The following PIEZO2 variants were observed in gnomAD, a reference collection of about 807,000 sequenced individuals.
The protein encoded by PIEZO2 is piezo-type mechanosensitive ion channel component 2.
PIEZO2 carries 172 observed loss-of-function variants against 337.3 expected under a neutral mutation model. That is an observed-to-expected ratio of 0.51 (90% confidence interval 0.45 to 0.58). The LOEUF (loss-of-function observed/expected upper bound fraction) is 0.58. Ranked by LOEUF, PIEZO2 falls within the 20% of genes least tolerant of loss-of-function variation. The pLI, the probability that PIEZO2 is intolerant of heterozygous loss-of-function variation, is 0.00. For missense variants in PIEZO2, 3,028 were observed against 3,391.3 expected (o/e 0.89, Z 2.66); for synonymous variants, 1,251 against 1,228.5 (o/e 1.02, Z -0.38).
At chr18:11,066,059 C>T (rs1441640657) in intron 2 of PIEZO2, 68 bp downstream of exon 2, 1 of 1,319,736 alleles carries the variant, frequency 7.6e-7, no homozygotes, top group Non-Finnish European at 1.0e-6. Flanking sequence ...AAAGGCCATC[C>T]CAAGGAGCCC....
At chr18:10,675,111 C>T in intron 54 of PIEZO2, 98 bp downstream of exon 54, 1 of 778,712 alleles carries the variant, frequency 1.3e-6, no homozygotes, top group Non-Finnish European at 2.1e-6. Context: ...GGAGAGATAA[C>T]TAGAAAGTGG....
At chr18:11,041,103 T>G (rs759869943) in intron 2 of PIEZO2, among the ~76,000 whole-genome samples, 5 of 152,128 alleles carry the variant, frequency 3.3e-5, no homozygotes, top group Admixed American at 6.5e-5. Flanking sequence ...CCAAGGCAGG[T>G]GGGAGAAAAG....
intron 2 of PIEZO2, among the ~76,000 whole-genome samples, chr18:11,019,795 C>G (rs1378012553): frequency 8.5e-5 from 13 of 152,178 alleles, no homozygotes; most frequent in Admixed American, 8.5e-4. Context: ...CTGATATACT[C>G]TATCTCATCA....
chr18:11,088,662 T>C (rs1015045982), intron 1 of PIEZO2, among the ~76,000 whole-genome samples: 1 of 152,186 alleles, frequency 6.6e-6, no homozygotes, highest in Admixed American at 6.5e-5. Flanking sequence ...GTGATATTGA[T>C]TGGTGTAGTC....
At chr18:10,814,436 T>C (rs1208196028) in intron 7 of PIEZO2, among the ~76,000 whole-genome samples, 1 of 152,226 alleles carries the variant, frequency 6.6e-6, no homozygotes, top group Non-Finnish European at 1.5e-5. Flanking sequence ...AATAATCTTC[T>C]CATTTTTAAC....
chr18:11,006,669 A>G, intron 2 of PIEZO2, among the ~76,000 whole-genome samples: 1 of 152,028 alleles, frequency 6.6e-6, no homozygotes, highest in Non-Finnish European at 1.5e-5. Flanking sequence ...AAGTCTATTC[A>G]GTCCATTCTT....
At chr18:10,800,922 A>G (rs1271575477) in intron 10 of PIEZO2, among the ~76,000 whole-genome samples, 1 of 152,236 alleles carries the variant, frequency 6.6e-6, no homozygotes, top group East Asian at 1.9e-4. Flanking sequence ...GTGGCTCTGC[A>G]CAGGACTAAT....
chr18:10,764,589 C>CAA (rs35057417), intron 21 of PIEZO2, among the ~76,000 whole-genome samples: 5,927 of 142,982 alleles, frequency 0.041, 298 homozygotes, highest in African/African-American at 0.12. Flanking sequence ...CACTACGTCT[C>CAA]AAAAAAAAAA....
intron 49 of PIEZO2, among the ~76,000 whole-genome samples, chr18:10,684,355 C>T (rs2034442215): frequency 6.7e-6 from 1 of 150,258 alleles, no homozygotes; most frequent in Non-Finnish European, 1.5e-5. Flanking sequence ...TTAGTAGAGA[C>T]AGGGTTTCAC....
At position 10,705,749 on chromosome 18, in the gene PIEZO2, G is replaced by A; in HGVS notation, c.5589-3C>T. ...GCATGGTACACTGCGTGGGCTCGCTGTTGGGAGAAAGCGTGGGCACAGAGC... is the reference window on the plus strand; with the variant it reads ...GCATGGTACACTGCGTGGGCTCGCTATTGGGAGAAAGCGTGGGCACAGAGC... On this transcript the variant is annotated splice_polypyrimidine_tract_variant and splice_region_variant and intron_variant, in intron 40 of 55. Transcript: ENST00000674853. 3 of 1,515,798 alleles carry A rather than the reference G, an allele frequency of 2.0e-6. No homozygotes were observed. The highest frequency in any genetic ancestry group is 2.6e-6 in the Non-Finnish European group (3 of 1,134,530). The allele number at this position is 1,515,798 out of a possible 1,614,324, so 93.9% of individuals were successfully genotyped here.
chr18:11,024,933 C>A (rs186375229), intron 2 of PIEZO2, among the ~76,000 whole-genome samples: 88 of 150,962 alleles, frequency 5.8e-4, no homozygotes, highest in Admixed American at 2.8e-3. Flanking sequence ...GCCACCGTGC[C>A]CAGCGAAGGT....
rs1273500389 is a variant in PIEZO2, at chr18:11,112,437, A to C, written c.64+36088T>G. Among the ~76,000 whole-genome samples, 1 of 152,244 alleles carries C rather than the reference A, an allele frequency of 6.6e-6. No individual in the cohort carries two copies. Among genetic ancestry groups the C allele is most frequent in the Non-Finnish European group, 1.5e-5 (1 of 68,048 alleles). On this transcript the variant is annotated intron_variant, in intron 1 of 55. Transcript: ENST00000674853. This position sits in a 1 kb window ranked among gnomAD's most constrained non-coding sequence, Gnocchi z 4.3. The stretch of plus-strand genomic sequence containing the variant: ...ACAACATCAGAATCTAAGTGTCATG[A>C]CCAAAATATGTACTCCAACTCCATC...
chr18:10,783,698 C>G lies in PIEZO2; in HGVS notation c.2492+1086G>C, dbSNP rs1239443559. ...CAAAACAAGTCATGACTGATTGATACCTCTTGGTTCCATGGGTTACGAGTC... is the reference window on the plus strand; with the variant it reads ...CAAAACAAGTCATGACTGATTGATAGCTCTTGGTTCCATGGGTTACGAGTC... On this transcript the variant is annotated intron_variant, in intron 17 of 55. Transcript: ENST00000674853. The surrounding 1 kb of genome is among the most constrained non-coding windows in gnomAD (Gnocchi z 4.3). Among the ~76,000 whole-genome samples, 2 of 152,152 alleles carry G rather than the reference C, an allele frequency of 1.3e-5. No homozygotes were observed. Among genetic ancestry groups the G allele is most frequent in the East Asian group, 3.8e-4 (2 of 5,200 alleles).
At position 10,834,480 on chromosome 18, in the gene PIEZO2, G is replaced by A. The variant is rs143773555; in HGVS notation, c.917+20873C>T. ...TATTAGCCCAGCCCCACTCTGTGATGCAGGTGCCGGCTTCCCCTTTAATCC... is the reference window on the plus strand; with the variant it reads ...TATTAGCCCAGCCCCACTCTGTGATACAGGTGCCGGCTTCCCCTTTAATCC... On this transcript the variant is annotated intron_variant, in intron 7 of 55. Coordinates refer to ENST00000674853, the MANE Select transcript of PIEZO2 (RefSeq NM_001378183.1). The surrounding 1 kb of genome is among the most constrained non-coding windows in gnomAD (Gnocchi z 4.5). Among the ~76,000 whole-genome samples the A allele has an allele frequency of 6.6e-6, 1 of 152,208 alleles. No individual in the cohort carries two copies. Among genetic ancestry groups the A allele is most frequent in the African/African-American group, 2.4e-5 (1 of 41,442 alleles).
chr18:10,744,270 T>C lies in PIEZO2; in HGVS notation c.4425-39A>G, dbSNP rs576640317. 87 of 1,277,176 alleles carry C rather than the reference T, an allele frequency of 6.8e-5. No individual in the cohort carries two copies. The African/African-American group carries it at 1.2e-3, about 18-fold the overall frequency. 79.1% of individuals were successfully genotyped at this position (1,277,176 alleles called of 1,614,324 possible). On this transcript the variant is annotated intron_variant, in intron 30 of 55. Transcript: ENST00000674853. ...GGAAACATGAACAAGTCAATATTCTTGCCATTGTTGTTCCCCTTTTCCTGA... is the reference window on the plus strand; with the variant it reads ...GGAAACATGAACAAGTCAATATTCTCGCCATTGTTGTTCCCCTTTTCCTGA...
intron 27 of PIEZO2, among the ~76,000 whole-genome samples, chr18:10,753,092 C>A (rs1156804593): frequency 2.6e-5 from 4 of 152,224 alleles, no homozygotes. Context: ...TGCTTCTCGT[C>A]ACCTTATTCA....
chr18:10,800,425 G>A lies in PIEZO2; in HGVS notation c.1290C>T (p.His430=). The A allele has an allele frequency of 1.3e-6, 2 of 1,536,300 alleles. No individual in the cohort carries two copies. The highest frequency in any genetic ancestry group is 4.9e-5 in the East Asian group (2 of 40,812). Residue 430 remains histidine (H), a synonymous_variant, in exon 11 of 56, where the codon CAC becomes CAT. Coordinates refer to ENST00000674853, the MANE Select transcript of PIEZO2 (RefSeq NM_001378183.1). The part of the protein sequence containing the change: ...NGNPVDYHTI[H]PSLPMENGPG... ...GGCCGTTCTCCATGGGCAGGCTTGGGTGGATGGTGTGGTAATCCACGGGGT... is the reference window on the plus strand; with the variant it reads ...GGCCGTTCTCCATGGGCAGGCTTGGATGGATGGTGTGGTAATCCACGGGGT...
At chr18:10,871,180 C>T in intron 5 of PIEZO2, 73 bp downstream of exon 5, 10 of 1,397,074 alleles carry the variant, frequency 7.2e-6, no homozygotes, top group Non-Finnish European at 9.6e-6. Context: ...CTGTTATTAT[C>T]ATAGTTCTGC....
rs1319269373 is a variant in PIEZO2, at chr18:10,698,934, A to T, written c.6685T>A (p.Ser2229Thr). ...TTGTGTCGACAGATACCTCTTTGGG[A>T]TCTGTTTGAAGAAAAGCTGGATCTC... Reference protein sequence around the residue: ...SQRSSFSSNRSQRGSTSTRNS... With the variant: ...SQRSSFSSNRTQRGSTSTRNS... Residue 2229 changes from serine to threonine, a missense_variant, in exon 44 of 56, where the codon TCC (serine) becomes ACC (threonine). Ser to Thr is a moderately conservative substitution (Grantham distance 58). Coordinates refer to ENST00000674853, the MANE Select transcript of PIEZO2 (RefSeq NM_001378183.1). 6.5e-7 allele frequency: 1 copy of T among 1,536,268 alleles called. No individual in the cohort carries two copies. Among genetic ancestry groups the T allele is most frequent in the Non-Finnish European group, 8.7e-7 (1 of 1,146,884 alleles).
Sources: gnomAD v4.1 joint callset for allele counts (sites outside exome capture counted in the v4.1 genomes callset) on GRCh38, gnomAD v4.1.1 for gene constraint, Gnocchi (gnomAD v3.1) non-coding constraint, MANE v1.5 for transcripts, NCBI Gene and HGNC (gene_info 2026-07-23, HGNC 2026-07-21) for gene names.